Variants in RAB9A observed in about 807,000 individuals in gnomAD.
RAB9A encodes the protein RAB9A, member RAS oncogene family, also known as ras-related protein Rab-9A.
In RAB9A, 1 loss-of-function variant was observed where a neutral mutation model predicts 10.3. That is an observed-to-expected ratio of 0.10 (90% CI 0.03 to 0.46). The LOEUF (loss-of-function observed/expected upper bound fraction) is 0.46, where lower values mean the gene tolerates loss of function less well. Among genes scored for constraint, RAB9A ranks in the 20% least tolerant of loss-of-function variants. The pLI is 0.96. For synonymous variants in RAB9A, 39 were observed against 55.2 expected, an observed-to-expected ratio of 0.71 and a Z score of 1.30; for missense variants, 92 against 150.3, an observed-to-expected ratio of 0.61 and a Z score of 2.03.
intron 1 of RAB9A, among the ~76,000 whole-genome samples, chrX:13,700,083 G>A (rs1002088887): frequency 9.0e-6 from 1 of 111,113 alleles, no homozygotes; most frequent in African/African-American, 3.3e-5. Flanking sequence ...CAAGTAGCTG[G>A]AACTACAAGC....
At chrX:13,701,925 C>A (rs749493031) in intron 1 of RAB9A, among the ~76,000 whole-genome samples, 3 of 111,264 alleles carry the variant, frequency 2.7e-5, no homozygotes, top group African/African-American at 6.5e-5. Context: ...CCCAGCTTGT[C>A]CAAGGCCTTC....
intron 1 of RAB9A, among the ~76,000 whole-genome samples, chrX:13,702,104 C>A (rs959539147): frequency 9.0e-6 from 1 of 111,421 alleles, no homozygotes; most frequent in Non-Finnish European, 1.9e-5. Flanking sequence ...GCTCCTGGGC[C>A]TCTTCCTTCA....
chrX:13,703,111 A>G (rs1250316362), intron 1 of RAB9A, among the ~76,000 whole-genome samples: 4 of 112,959 alleles, frequency 3.5e-5, no homozygotes, highest in Non-Finnish European at 7.5e-5. Flanking sequence ...AAATAAAGCA[A>G]GTGGTTGAAA....
At chrX:13,698,206 T>C (rs1413395638) in intron 1 of RAB9A, among the ~76,000 whole-genome samples, 2 of 90,312 alleles carry the variant, frequency 2.2e-5, no homozygotes, top group Non-Finnish European at 4.3e-5. Flanking sequence ...TTTTTTTTTT[T>C]TTTTTTTGGC....
intron 1 of RAB9A, among the ~76,000 whole-genome samples, chrX:13,697,802 A>T (rs975193348): frequency 1.8e-5 from 2 of 111,793 alleles, no homozygotes; most frequent in African/African-American, 6.5e-5. Flanking sequence ...TGTTCTTTCC[A>T]GAAAAAAAGC....
intron 2 of RAB9A, among the ~76,000 whole-genome samples, chrX:13,704,618 CT>C (rs202238921): frequency 1.2e-3 from 113 of 95,674 alleles, no homozygotes; most frequent in South Asian, 1.0e-3. Context: ...TTCTTTCTTT[CT>C]TTTTTTTTTT....
intron 1 of RAB9A, among the ~76,000 whole-genome samples, chrX:13,690,822 A>G (rs1360323174): frequency 8.9e-6 from 1 of 111,738 alleles, no homozygotes; most frequent in Non-Finnish European, 1.9e-5. Context: ...TAAGAGCTCC[A>G]TGTTACAGTT....
intron 2 of RAB9A, among the ~76,000 whole-genome samples, chrX:13,708,034 CAT>C (rs2046205094): frequency 1.8e-5 from 2 of 111,393 alleles, no homozygotes; most frequent in Non-Finnish European, 3.8e-5. Context: ...TTAAGAGAAA[CAT>C]GTGGGCTGGG....
At chrX:13,692,766 AGT>A (rs1020912388) in intron 1 of RAB9A, among the ~76,000 whole-genome samples, 1 of 111,798 alleles carries the variant, frequency 8.9e-6, no homozygotes, top group African/African-American at 3.3e-5. Flanking sequence ...GGCATCACTG[AGT>A]GTTATTCACG....
At chrX:13,697,956 C>G (rs1312820098) in intron 1 of RAB9A, among the ~76,000 whole-genome samples, 1 of 111,453 alleles carries the variant, frequency 9.0e-6, no homozygotes, top group Non-Finnish European at 1.9e-5. Flanking sequence ...TCCCACTAGC[C>G]TCATGTAGCA....
rs759723649 is a variant in RAB9A at position 13,705,834 on chromosome X, T to TG, written c.-27+1939dup. ...CAGTTCTGAAGGCACAGCGGTTCATTGGGGGGGTCACCAGCAAGGAGCAGC... is the reference window on the plus strand; with the variant it reads ...CAGTTCTGAAGGCACAGCGGTTCATTGGGGGGGGTCACCAGCAAGGAGCAGC... On this transcript the variant is annotated intron_variant, in intron 2 of 2. Transcript: ENST00000464506. Among the ~76,000 whole-genome samples the TG allele has an allele frequency of 6.9e-3, 762 of 111,001 alleles. 4 individuals are homozygous for TG. Among genetic ancestry groups the TG allele is most frequent in the African/African-American group, 0.023 (704 of 30,492 alleles).
At chrX:13,694,348 T>A (rs1030815722) in intron 1 of RAB9A, among the ~76,000 whole-genome samples, 5 of 112,249 alleles carry the variant, frequency 4.5e-5, no homozygotes, top group Non-Finnish European at 9.4e-5. Flanking sequence ...GGAAGTCAGA[T>A]TAGAACTGCC....
At chrX:13,702,340 G>A (rs1311803970) in intron 1 of RAB9A, among the ~76,000 whole-genome samples, 1 of 111,576 alleles carries the variant, frequency 9.0e-6, no homozygotes, top group East Asian at 2.8e-4. Flanking sequence ...TCTCCCTCCA[G>A]CAGAATCAGA....
At chrX:13,694,904 G>C (rs954611599) in intron 1 of RAB9A, among the ~76,000 whole-genome samples, 1 of 111,660 alleles carries the variant, frequency 9.0e-6, no homozygotes, top group Non-Finnish European at 1.9e-5. Flanking sequence ...TGAGGGGAGG[G>C]ACAGACAGGA....
intron 1 of RAB9A, among the ~76,000 whole-genome samples, chrX:13,695,469 A>G (rs1022166081): frequency 2.7e-5 from 3 of 111,900 alleles, no homozygotes; most frequent in South Asian, 3.7e-4. Context: ...TTAAGGTGCT[A>G]TATGCCAGGT....
intron 1 of RAB9A, among the ~76,000 whole-genome samples, chrX:13,691,018 A>G (rs1353519579): frequency 1.8e-5 from 2 of 111,546 alleles, no homozygotes. Flanking sequence ...TTTGGTTCAC[A>G]CCTGGGGGCA....
chrX:13,693,750 A>G lies in RAB9A; in HGVS notation c.-116+4462A>G, dbSNP rs1023874289. ...TAAATGAATGTAAGGTAACAGCTAG[A>G]TCTGCCTGAGGTGGAGAGAGACTGG... On this transcript the variant is annotated intron_variant, in intron 1 of 2. Coordinates refer to ENST00000464506, the MANE Select transcript of RAB9A (RefSeq NM_004251.5). Among the ~76,000 whole-genome samples, 3 of 111,739 alleles carry G rather than the reference A, an allele frequency of 2.7e-5. No homozygotes were observed. The East Asian group carries it at 8.4e-4, about 31-fold the overall frequency.
chrX:13,708,320 C>CAA (rs753443181), intron 2 of RAB9A, among the ~76,000 whole-genome samples: 18 of 93,158 alleles, frequency 1.9e-4, no homozygotes, highest in South Asian at 5.6e-4. Flanking sequence ...GATCCTGTCT[C>CAA]AAAAAAAAAA....
chrX:13,707,142 T>C (rs147479922), intron 2 of RAB9A, among the ~76,000 whole-genome samples: 107 of 112,569 alleles, frequency 9.5e-4, no homozygotes, highest in Non-Finnish European at 1.8e-3. Flanking sequence ...TTCACTTCCA[T>C]CAGCCTCATG....
Sources: gnomAD v4.1 joint callset for allele counts (sites outside exome capture counted in the v4.1 genomes callset) on GRCh38, gnomAD v4.1.1 for gene constraint, MANE v1.5 for transcripts, NCBI Gene and HGNC (gene_info 2026-07-23, HGNC 2026-07-21) for gene names.